The following EPHA3 variants were observed in gnomAD, a reference collection of about 807,000 sequenced individuals.
EPHA3 encodes ephrin type-A receptor 3.
In EPHA3, 42 loss-of-function variants were observed where a neutral mutation model predicts 107.1. The ratio of observed to expected loss-of-function variants is 0.39; its 90% CI spans 0.31 to 0.51. EPHA3 has a LOEUF of 0.51. Among genes scored for constraint, EPHA3 ranks in the 20% least tolerant of loss-of-function variants. The probability of loss-of-function intolerance (pLI) is 0.78; values close to 1 mark genes in which losing one functional copy is unlikely to be tolerated. For missense variants in EPHA3, 1,183 were observed against 1,211.2 expected (o/e 0.98, Z 0.35); for synonymous variants, 461 against 424.8 (o/e 1.09, Z -1.05).
At chr3:89,220,056 C>A (rs930859140) in intron 3 of EPHA3, among the ~76,000 whole-genome samples, 1 of 152,050 alleles carries the variant, frequency 6.6e-6, no homozygotes, top group South Asian at 2.1e-4. Context: ...TGCTTACTGG[C>A]ACCTCCTGTT....
chr3:89,186,892 G>T (rs753853139), intron 2 of EPHA3, among the ~76,000 whole-genome samples: 3 of 151,900 alleles, frequency 2.0e-5, no homozygotes, highest in African/African-American at 7.2e-5. Context: ...ATTTTGTGTT[G>T]CCTGGAATAT....
intron 3 of EPHA3, among the ~76,000 whole-genome samples, chr3:89,262,900 C>T (rs1372714369): frequency 6.6e-6 from 1 of 151,566 alleles, no homozygotes; most frequent in Non-Finnish European, 1.5e-5. Context: ...GTTCAGGCCC[C>T]TCAGCAGCAT....
At chr3:89,392,237 C>T (rs1055165778) in intron 5 of EPHA3, among the ~76,000 whole-genome samples, 5 of 152,108 alleles carry the variant, frequency 3.3e-5, no homozygotes, top group African/African-American at 4.8e-5. Context: ...ATCAGGAGTT[C>T]GAGACCAGCC....
At chr3:89,120,369 A>G (rs1707350540) in intron 1 of EPHA3, among the ~76,000 whole-genome samples, 4 of 152,198 alleles carry the variant, frequency 2.6e-5, no homozygotes, top group African/African-American at 9.6e-5. Context: ...TCAGTTAACA[A>G]TGGAGAGAAA....
chr3:89,177,682 G>A (rs1385617783), intron 2 of EPHA3, among the ~76,000 whole-genome samples: 2 of 152,314 alleles, frequency 1.3e-5, no homozygotes, highest in East Asian at 3.9e-4. Flanking sequence ...CAAGGTGTTA[G>A]TTCAAATTAG....
chr3:89,248,081 T>G (rs1033184986), intron 3 of EPHA3, among the ~76,000 whole-genome samples: 1 of 152,206 alleles, frequency 6.6e-6, no homozygotes, highest in African/African-American at 2.4e-5. Flanking sequence ...TCAAGTCACC[T>G]TACTATTTAT....
chr3:89,177,383 T>C (rs1705343449), intron 2 of EPHA3, among the ~76,000 whole-genome samples: 1 of 152,154 alleles, frequency 6.6e-6, no homozygotes. Flanking sequence ...TTGGATTACC[T>C]GTCCACATTT....
In EPHA3 at chr3:89,299,969, G is replaced by A. The variant is rs559316990; in HGVS notation, c.815-40947G>A. 1.8e-4 allele frequency among the ~76,000 whole-genome samples: 28 copies of A among 151,862 alleles called. No homozygotes were observed. The South Asian group carries it at 3.1e-3, about 17-fold the overall frequency. On this transcript the variant is annotated intron_variant, in intron 3 of 16. Coordinates refer to ENST00000336596, the MANE Select transcript of EPHA3 (RefSeq NM_005233.6). ...TCGATTATATTAATTTTTCATTTGGGCATAATAATATTATTTTATTTTATT... is the reference window on the plus strand; with the variant it reads ...TCGATTATATTAATTTTTCATTTGGACATAATAATATTATTTTATTTTATT...
At chr3:89,325,950 A>T (rs976574361) in intron 3 of EPHA3, among the ~76,000 whole-genome samples, 42 of 151,312 alleles carry the variant, frequency 2.8e-4, no homozygotes, top group African/African-American at 1.0e-3. Context: ...AAGAATTTTT[A>T]AAAATGAAAT....
intron 15 of EPHA3, among the ~76,000 whole-genome samples, chr3:89,469,230 A>T (rs1710353658): frequency 6.6e-6 from 1 of 152,154 alleles, no homozygotes; most frequent in Non-Finnish European, 1.5e-5. Context: ...AAGTTTGAAG[A>T]ATCCTTCCCT....
intron 3 of EPHA3, among the ~76,000 whole-genome samples, chr3:89,256,085 A>G (rs576460355): frequency 6.6e-5 from 10 of 151,302 alleles, no homozygotes; most frequent in South Asian, 2.1e-4. Flanking sequence ...CCACTTCTCT[A>G]TTTAAAAATA....
At position 89,213,202 on chromosome 3, in the gene EPHA3, G is replaced by T. The variant is rs146468320; in HGVS notation, c.814+2682G>T. ...CTCATGAGTGTGAATGAACTCAGAAGCATTCCTTTCTAGTTGTTTTTTGCC... is the reference window on the plus strand; with the variant it reads ...CTCATGAGTGTGAATGAACTCAGAATCATTCCTTTCTAGTTGTTTTTTGCC... On this transcript the variant is annotated intron_variant, in intron 3 of 16. Coordinates refer to ENST00000336596, the MANE Select transcript of EPHA3 (RefSeq NM_005233.6). Among the ~76,000 whole-genome samples, 422 of 152,120 alleles carry T rather than the reference G, an allele frequency of 2.8e-3. 2 individuals carry two copies. The highest frequency in any genetic ancestry group is 8.0e-3 in the African/African-American group (333 of 41,550).
chr3:89,107,877 G>T (rs751350319), intron 1 of EPHA3, 41 bp downstream of exon 1: 1 of 1,583,204 alleles, frequency 6.3e-7, no homozygotes, highest in Non-Finnish European at 8.7e-7. Context: ...TGCCCCGCGG[G>T]GCTCACGCTC....
At chr3:89,161,999 GTAA>G (rs955551549) in intron 2 of EPHA3, among the ~76,000 whole-genome samples, 9 of 139,112 alleles carry the variant, frequency 6.5e-5, no homozygotes, top group African/African-American at 2.2e-4. Context: ...AATAATAATA[GTAA>G]TAATAATAAA....
At chr3:89,302,980 C>T (rs1445290675) in intron 3 of EPHA3, among the ~76,000 whole-genome samples, 7 of 152,056 alleles carry the variant, frequency 4.6e-5, no homozygotes, top group Admixed American at 3.3e-4. Context: ...GCAACCTTGA[C>T]GCCCTGAGCT....
At chr3:89,257,915 A>G (rs1445395070) in intron 3 of EPHA3, among the ~76,000 whole-genome samples, 1 of 152,162 alleles carries the variant, frequency 6.6e-6, no homozygotes, top group African/African-American at 2.4e-5. Context: ...AGATGCTGAG[A>G]AACAGAATAT....
intron 2 of EPHA3, among the ~76,000 whole-genome samples, chr3:89,198,459 A>G (rs2107154934): frequency 6.7e-6 from 1 of 149,554 alleles, no homozygotes; most frequent in East Asian, 2.0e-4. Flanking sequence ...TTTTATCTCT[A>G]CAGGTTAGAC....
intron 7 of EPHA3, among the ~76,000 whole-genome samples, chr3:89,400,819 A>G (rs1278277546): frequency 6.6e-6 from 1 of 152,194 alleles, no homozygotes; most frequent in Non-Finnish European, 1.5e-5. Flanking sequence ...TAAAGGAAAA[A>G]GGATATATAT....
At chr3:89,132,046 A>G (rs1244107573) in intron 2 of EPHA3, among the ~76,000 whole-genome samples, 3 of 152,320 alleles carry the variant, frequency 2.0e-5, no homozygotes, top group Admixed American at 6.5e-5. Context: ...AGCAAGTGTA[A>G]GTAAAGCCAA....
Sources: gnomAD v4.1 joint callset for allele counts (sites outside exome capture counted in the v4.1 genomes callset) on GRCh38, gnomAD v4.1.1 for gene constraint, MANE v1.5 for transcripts, NCBI Gene and HGNC (gene_info 2026-07-23, HGNC 2026-07-21) for gene names.